The following FSIP2 variants were observed in gnomAD, a reference collection of about 807,000 sequenced individuals.
FSIP2 encodes fibrous sheath-interacting protein 2.
Under a neutral mutation model 510.5 loss-of-function variants are expected in FSIP2, and 367 were observed. The observed-to-expected ratio is 0.72, with a 90% confidence interval of 0.66 to 0.78. The LOEUF (loss-of-function observed/expected upper bound fraction) is 0.78, where lower values mean the gene tolerates loss of function less well. Ranked by LOEUF, FSIP2 falls within the 30% of genes least tolerant of loss-of-function variation. FSIP2 has a pLI of 0.00. For synonymous variants in FSIP2, 2,601 were observed against 2,732.2 expected (o/e 0.95, Z 1.50); for missense variants, 7,594 against 7,901.7 (o/e 0.96, Z 1.48).
In FSIP2 at chr2:185,790,845, G is replaced by T; in HGVS notation, c.3709G>T (p.Asp1237Tyr). The T allele has an allele frequency of 6.5e-7, 1 of 1,532,972 alleles. No individual in the cohort carries two copies. The highest frequency in any genetic ancestry group is 1.2e-5 in the South Asian group (1 of 83,788). 95.0% of individuals were successfully genotyped at this position (1,532,972 alleles called of 1,614,324 possible). The change falls in exon 16 of 23, where the codon GAC becomes TAC. Residue 1237 changes from aspartate to tyrosine, a missense_variant. Transcript: ENST00000424728. Reference protein sequence around the residue: ...EKKMKYLSLFDVDPEKPPWLK... With the variant: ...EKKMKYLSLFYVDPEKPPWLK... ...GAAAATGAAATATTTATCTTTATTT[G>T]ACGTTGATCCTGAAAAGCCTCCCTG...
chr2:185,755,152 C>G (rs185645255), intron 8 of FSIP2, among the ~76,000 whole-genome samples: 16 of 151,524 alleles, frequency 1.1e-4, no homozygotes, highest in African/African-American at 3.4e-4. Flanking sequence ...CTGGAAGGTC[C>G]CTTTTCTGTG....
At chr2:185,744,498 T>G (rs1691985173) in intron 4 of FSIP2, 87 bp downstream of exon 4, 2 of 281,428 alleles carry the variant, frequency 7.1e-6, no homozygotes, top group Non-Finnish European at 1.3e-5. Flanking sequence ...TAATAATATT[T>G]TGATCCTTTA....
At chr2:185,829,290 T>C (rs1447700405) in intron 21 of FSIP2, among the ~76,000 whole-genome samples, 1 of 151,866 alleles carries the variant, frequency 6.6e-6, no homozygotes, top group Non-Finnish European at 1.5e-5. Flanking sequence ...CTCCATCTTA[T>C]CTCTCTCACT....
intron 17 of FSIP2, among the ~76,000 whole-genome samples, chr2:185,809,854 T>C (rs2105659948): frequency 6.6e-6 from 1 of 152,126 alleles, no homozygotes; most frequent in South Asian, 2.1e-4. Context: ...CCCAAATATT[T>C]TAACCGGGAA....
At chr2:185,826,111 G>A (rs976127000) in intron 20 of FSIP2, among the ~76,000 whole-genome samples, 1 of 151,772 alleles carries the variant, frequency 6.6e-6, no homozygotes, top group Non-Finnish European at 1.5e-5. Context: ...TATAGCTTAG[G>A]TGTGTAGTAG....
In FSIP2 at chr2:185,789,185, G is replaced by A; in HGVS notation, c.2049G>A (p.Met683Ile). Residue 683 changes from methionine (M) to isoleucine (I), a missense_variant, in exon 16 of 23, where the codon ATG becomes ATA. Coordinates refer to ENST00000424728, the MANE Select transcript of FSIP2 (RefSeq NM_173651.4). The stretch of plus-strand genomic sequence containing the variant: ...ATTGTGATAAAACAGCAAAAGCCAT[G>A]GATGAAATGAAGAATTTAAAAAATG... ...SLHCDKTAKA[M>I]DEMKNLKNVF... is the part of the protein sequence containing the mutation. The A allele has an allele frequency of 1.3e-6, 2 of 1,534,482 alleles. No individual in the cohort carries two copies. The highest frequency in any genetic ancestry group is 1.7e-6 in the Non-Finnish European group (2 of 1,145,706).
chr2:185,810,715 AGACAGAGCCTCTTTTTTGTG>A (rs1693710524), intron 17 of FSIP2, among the ~76,000 whole-genome samples: 1 of 149,388 alleles, frequency 6.7e-6, no homozygotes, highest in Non-Finnish European at 1.5e-5. Context: ...CAGAGGCTGA[AGACAGAGCCTCTTTTTTGTG>A]GACAGAGGCT....
Position 185,802,290 on chromosome 2 carries a change from A to G in FSIP2, c.12984A>G (p.Glu4328=). 5 of 1,533,818 alleles carry G rather than the reference A, an allele frequency of 3.3e-6. No homozygotes were observed. The highest frequency in any genetic ancestry group is 4.4e-6 in the Non-Finnish European group (5 of 1,145,296). Residue 4328 remains glutamate (E), a synonymous_variant, in exon 17 of 23, where the codon GAA becomes GAG. Transcript: ENST00000424728. ...SKIFSPKHNT[E]IELKNMTQRI... The stretch of plus-strand genomic sequence containing the variant: ...TTTTCAGCCCAAAGCATAACACTGA[A>G]ATTGAGTTGAAAAACATGACCCAAA...
chr2:185,796,212 A>G lies in FSIP2; in HGVS notation c.9076A>G (p.Asn3026Asp). ...FSEIVKMPIE[N>D]LSSIQQKLLN... ...TGAAATTGTGAAAATGCCTATAGAA[A>G]ACCTTTCTTCTATCCAACAGAAACT... The change falls in exon 16 of 23, where the codon AAC becomes GAC. Residue 3026 changes from asparagine (N) to aspartate (D), a missense_variant. Transcript: ENST00000424728. 56 of 1,530,248 alleles carry G rather than the reference A, an allele frequency of 3.7e-5. No individual in the cohort carries two copies. Among genetic ancestry groups the G allele is most frequent in the Non-Finnish European group, 4.8e-5 (55 of 1,144,892 alleles). The allele number at this position is 1,530,248 out of a possible 1,614,324, so 94.8% of individuals were successfully genotyped here.
Position 185,800,438 on chromosome 2 carries a change from A to G in FSIP2, c.11132A>G (p.Glu3711Gly), listed in dbSNP as rs1034214838. The change falls in exon 17 of 23, where the codon GAA becomes GGA. Residue 3711 changes from glutamate (E) to glycine (G), a missense_variant. Glu to Gly is a moderately conservative substitution (Grantham distance 98). Transcript: ENST00000424728. ...GTTTCAGATTTATTTTCACCAGATG[A>G]ATGCCTAGATACGGGTATGGATTCT... ...NIVSDLFSPD[E>G]CLDTGMDSGK... 2.6e-6 allele frequency: 4 copies of G among 1,528,368 alleles called. No homozygotes were observed. The African/African-American group carries it at 4.1e-5, about 16-fold the overall frequency. 94.7% of individuals were successfully genotyped at this position (1,528,368 alleles called of 1,614,324 possible).
Position 185,804,101 on chromosome 2 carries a change from T to C in FSIP2, c.14795T>C (p.Ile4932Thr), listed in dbSNP as rs2105645486. Residue 4932 changes from isoleucine (I) to threonine (T), a missense_variant, in exon 17 of 23, where the codon ATA becomes ACA. Coordinates refer to ENST00000424728, the MANE Select transcript of FSIP2 (RefSeq NM_173651.4). The stretch of plus-strand genomic sequence containing the variant: ...GATCAAACTTATAAATTGAAAGCAA[T>C]AGATCCTAAACAAAGAGAATTATCT... The part of the protein sequence containing the change: ...AVDQTYKLKA[I>T]DPKQRELSFI... 1 of 1,527,730 alleles carries C rather than the reference T, an allele frequency of 6.5e-7. No homozygotes were observed. The highest frequency in any genetic ancestry group is 8.8e-7 in the Non-Finnish European group (1 of 1,142,742). The allele number at this position is 1,527,730 out of a possible 1,614,324, so 94.6% of individuals were successfully genotyped here.
At chr2:185,785,110 T>A (rs577068227) in intron 14 of FSIP2, among the ~76,000 whole-genome samples, 1 of 152,062 alleles carries the variant, frequency 6.6e-6, no homozygotes, top group African/African-American at 2.4e-5. Context: ...GCCAATGATA[T>A]AACATGAAGA....
At chr2:185,751,461 C>CTGTTTG (rs1553493290) in intron 7 of FSIP2, among the ~76,000 whole-genome samples, 29 of 135,874 alleles carry the variant, frequency 2.1e-4, no homozygotes, top group African/African-American at 7.8e-4. Flanking sequence ...CTTTATTTTT[C>CTGTTTG]TGTGTGTGTG....
chr2:185,783,908 T>C (rs1692908137), intron 14 of FSIP2: 1 of 152,152 alleles, frequency 6.6e-6, no homozygotes, highest in Admixed American at 6.5e-5. Context: ...TATTGTTTCA[T>C]TAAAAATCTT....
Position 185,803,935 on chromosome 2 carries a change from T to A in FSIP2, c.14629T>A (p.Tyr4877Asn). ...IYADLSHSNI[Y>N]QSITKDKKSI... ...TGCTGATCTTTCTCATTCAAATATA[T>A]ACCAGTCCATTACAAAAGATAAAAA... Residue 4877 changes from tyrosine to asparagine, a missense_variant, in exon 17 of 23, where the codon TAC (tyrosine) becomes AAC (asparagine). Coordinates refer to ENST00000424728, the MANE Select transcript of FSIP2 (RefSeq NM_173651.4). 1 of 1,515,558 alleles carries A rather than the reference T, an allele frequency of 6.6e-7. No individual in the cohort carries two copies. Among genetic ancestry groups the A allele is most frequent in the Non-Finnish European group, 8.8e-7 (1 of 1,132,410 alleles). 93.9% of individuals were successfully genotyped at this position (1,515,558 alleles called of 1,614,324 possible).
intron 19 of FSIP2, among the ~76,000 whole-genome samples, chr2:185,822,402 C>T (rs1290469238): frequency 6.6e-6 from 1 of 151,942 alleles, no homozygotes; most frequent in Non-Finnish European, 1.5e-5. Context: ...AAATAAGCTG[C>T]ATTCTGTATA....
chr2:185,768,309 C>T (rs1303437016), intron 13 of FSIP2, among the ~76,000 whole-genome samples: 2 of 152,040 alleles, frequency 1.3e-5, no homozygotes, highest in Non-Finnish European at 2.9e-5. Flanking sequence ...ATTGCCTGTG[C>T]ATTTAGTGCC....
chr2:185,753,019 G>A (rs1439117737), intron 7 of FSIP2, among the ~76,000 whole-genome samples: 1 of 151,138 alleles, frequency 6.6e-6, no homozygotes, highest in African/African-American at 2.4e-5. Flanking sequence ...TTTATCTGGG[G>A]CTAGTTGTTT....
At position 185,802,412 on chromosome 2, in the gene FSIP2, T is replaced by C. The variant is rs1259877555; in HGVS notation, c.13106T>C (p.Ile4369Thr). The change falls in exon 17 of 23, where the codon ATT (isoleucine) becomes ACT (threonine). Residue 4369 changes from isoleucine to threonine, a missense_variant. Physicochemically the swap from Ile to Thr is moderately conservative, Grantham distance 89 (BLOSUM62 -1). Coordinates refer to ENST00000424728, the MANE Select transcript of FSIP2 (RefSeq NM_173651.4). Reference sequence around the variant, plus strand: ...GCTTTCTTTTCTTTCAATACAGATATTGTGGATGAACTTGCCACCTCAGTT... The same window carrying C: ...GCTTTCTTTTCTTTCAATACAGATACTGTGGATGAACTTGCCACCTCAGTT... ...EQAFFSFNTD[I>T]VDELATSVYR... The C allele has an allele frequency of 6.5e-7, 1 of 1,533,762 alleles. No individual in the cohort carries two copies. The highest frequency in any genetic ancestry group is 8.7e-7 in the Non-Finnish European group (1 of 1,145,416).
Sources: gnomAD v4.1 joint callset for allele counts (sites outside exome capture counted in the v4.1 genomes callset) on GRCh38, gnomAD v4.1.1 for gene constraint, MANE v1.5 for transcripts, NCBI Gene and HGNC (gene_info 2026-07-23, HGNC 2026-07-21) for gene names.